CSMD1: variants seen among roughly 807,000 people sequenced by gnomAD.
CSMD1 encodes the protein CUB and sushi domain-containing protein 1.
CSMD1 carries 213 observed loss-of-function variants against 417.5 expected under a neutral mutation model. The ratio of observed to expected loss-of-function variants is 0.51; its 90% CI spans 0.46 to 0.57. The LOEUF is 0.57. Ranked by LOEUF, CSMD1 falls within the 20% of genes least tolerant of loss-of-function variation. The pLI is 0.00. For synonymous variants in CSMD1, 2,862 were observed against 1,736.8 expected (o/e 1.65, Z -16.11); for missense variants, 6,923 against 4,529.7 (o/e 1.53, Z -15.17).
chr8:3,556,775 T>C (rs1236887084), intron 10 of CSMD1, among the ~76,000 whole-genome samples: 1 of 152,158 alleles, frequency 6.6e-6, no homozygotes, highest in Non-Finnish European at 1.5e-5. Context: ...GCTCAGCCTC[T>C]GATCATAGAA....
chr8:3,375,682 T>C (rs551672976), intron 18 of CSMD1, among the ~76,000 whole-genome samples: 31 of 152,262 alleles, frequency 2.0e-4, no homozygotes, highest in Non-Finnish European at 3.5e-4. Flanking sequence ...TCCAGCTGCA[T>C]AGGAGAGATT....
At chr8:3,783,468 G>C (rs1319369840) in intron 5 of CSMD1, among the ~76,000 whole-genome samples, 1 of 152,184 alleles carries the variant, frequency 6.6e-6, no homozygotes, top group Non-Finnish European at 1.5e-5. Flanking sequence ...AAGCATTGGC[G>C]GGCTGTGAGG....
intron 1 of CSMD1, among the ~76,000 whole-genome samples, chr8:4,807,672 A>G (rs1312319966): frequency 6.6e-6 from 1 of 152,198 alleles, no homozygotes; most frequent in African/African-American, 2.4e-5. Context: ...ACGTACATAC[A>G]TGTGTAGATA....
intron 1 of CSMD1, among the ~76,000 whole-genome samples, chr8:4,733,701 A>G (rs1810045089): frequency 6.6e-6 from 1 of 152,220 alleles, no homozygotes; most frequent in African/African-American, 2.4e-5. Flanking sequence ...CCTTTCTCCT[A>G]TCTATGACTT....
intron 7 of CSMD1, among the ~76,000 whole-genome samples, chr8:3,659,763 G>A (rs934341520): frequency 1.3e-5 from 2 of 152,072 alleles, no homozygotes; most frequent in African/African-American, 4.8e-5. Flanking sequence ...AAAAATACTG[G>A]TAAAGATCTT....
chr8:3,822,491 G>C (rs1563115345), intron 5 of CSMD1, among the ~76,000 whole-genome samples: 1 of 152,198 alleles, frequency 6.6e-6, no homozygotes, highest in Non-Finnish European at 1.5e-5. Flanking sequence ...GGATAGACAA[G>C]AGCTGCTAGG....
intron 5 of CSMD1, among the ~76,000 whole-genome samples, chr8:3,993,787 T>C (rs981067496): frequency 1.3e-5 from 2 of 152,196 alleles, no homozygotes; most frequent in Non-Finnish European, 2.9e-5. Flanking sequence ...GGGAGGGAGA[T>C]CACACAACCT....
chr8:3,721,728 A>C (rs1802185947), intron 6 of CSMD1, among the ~76,000 whole-genome samples: 1 of 152,184 alleles, frequency 6.6e-6, no homozygotes, highest in Non-Finnish European at 1.5e-5. Flanking sequence ...AATGGGGTGA[A>C]AAATAAAGGA....
rs149454993 is a variant in CSMD1 at position 3,583,534 on chromosome 8, T to C, written c.1222+2602A>G. 5.4e-3 allele frequency among the ~76,000 whole-genome samples: 820 copies of C among 152,122 alleles called. 9 individuals are homozygous for C. The highest frequency in any genetic ancestry group is 0.018 in the African/African-American group (766 of 41,504). On this transcript the variant is annotated intron_variant, in intron 9 of 69. Transcript: ENST00000635120. ...CAGGGTGTTCAGCGACAAACACAGA[T>C]GGACAGCTAAGGAGAGTTGCAGGCC...
intron 4 of CSMD1, among the ~76,000 whole-genome samples, chr8:4,012,455 G>A (rs1032643116): frequency 2.0e-5 from 3 of 152,148 alleles, no homozygotes; most frequent in East Asian, 3.9e-4. Context: ...TGTTTCAGGG[G>A]TACACATGCA....
chr8:4,292,797 A>G (rs1360445915), intron 3 of CSMD1, among the ~76,000 whole-genome samples: 4 of 152,208 alleles, frequency 2.6e-5, no homozygotes, highest in Admixed American at 1.3e-4. Context: ...CCAACCATGT[A>G]TCTTATTACA....
At chr8:4,897,340 A>G (rs1166451310) in intron 1 of CSMD1, among the ~76,000 whole-genome samples, 1 of 152,052 alleles carries the variant, frequency 6.6e-6, no homozygotes, top group Non-Finnish European at 1.5e-5. Flanking sequence ...GCCAATATAT[A>G]TTGTTTCTAT....
chr8:3,373,475 A>C (rs935971999), intron 18 of CSMD1: 2 of 152,212 alleles, frequency 1.3e-5, no homozygotes, highest in Non-Finnish European at 2.9e-5. Flanking sequence ...CTGTCCACAA[A>C]TCCTATAATA....
intron 8 of CSMD1, among the ~76,000 whole-genome samples, chr8:3,599,370 T>C (rs1422226948): frequency 2.0e-5 from 3 of 152,036 alleles, no homozygotes. Context: ...TAACCCCAAC[T>C]CAGCATCATT....
intron 3 of CSMD1, among the ~76,000 whole-genome samples, chr8:4,068,501 A>C: frequency 1.3e-5 from 2 of 152,344 alleles, no homozygotes; most frequent in Admixed American, 1.3e-4. Flanking sequence ...TACAGAAACA[A>C]AACAGGTTTA....
intron 18 of CSMD1, among the ~76,000 whole-genome samples, chr8:3,385,578 G>C (rs573515505): frequency 3.3e-5 from 5 of 152,138 alleles, no homozygotes; most frequent in African/African-American, 1.2e-4. Context: ...AGTATATCCT[G>C]TTCTTGACTT....
chr8:4,126,011 C>T (rs1802743127), intron 3 of CSMD1, among the ~76,000 whole-genome samples: 1 of 152,128 alleles, frequency 6.6e-6, no homozygotes, highest in Admixed American at 6.5e-5. Flanking sequence ...GCAGACCCTG[C>T]ACTCCATGGA....
chr8:3,425,202 G>C (rs1048193205), intron 12 of CSMD1, among the ~76,000 whole-genome samples: 15 of 152,196 alleles, frequency 9.9e-5, no homozygotes, highest in Non-Finnish European at 1.8e-4. Context: ...TGTACGCATA[G>C]AGAAAGCATA....
intron 3 of CSMD1, among the ~76,000 whole-genome samples, chr8:4,195,916 G>C (rs1175221893): frequency 3.3e-5 from 5 of 152,062 alleles, no homozygotes; most frequent in Non-Finnish European, 5.9e-5. Context: ...AAAACTATGA[G>C]ATAAAAAATG....
Sources: gnomAD v4.1 joint callset for allele counts (sites outside exome capture counted in the v4.1 genomes callset) on GRCh38, gnomAD v4.1.1 for gene constraint, MANE v1.5 for transcripts, NCBI Gene and HGNC (gene_info 2026-07-23, HGNC 2026-07-21) for gene names.